FER: variants seen among roughly 807,000 people sequenced by gnomAD.
The protein encoded by FER is FER tyrosine kinase, also known as tyrosine-protein kinase Fer.
FER carries 63 observed loss-of-function variants against 111.0 expected under a neutral mutation model. The observed-to-expected ratio is 0.57, with a 90% CI of 0.46 to 0.70. FER has a LOEUF of 0.70. Ranked by LOEUF, FER falls within the 30% of genes least tolerant of loss-of-function variation. The pLI, the probability that FER is intolerant of heterozygous loss-of-function variation, is 0.00. For synonymous variants in FER, 327 were observed against 313.9 expected (o/e 1.04, Z -0.44); for missense variants, 914 against 954.0 (o/e 0.96, Z 0.55).
At chr5:108,751,761 C>G (rs550245146) in intron 1 of FER, among the ~76,000 whole-genome samples, 2 of 152,074 alleles carry the variant, frequency 1.3e-5, no homozygotes, top group Non-Finnish European at 2.9e-5. Flanking sequence ...TAGGACTCAA[C>G]GATCTTGGGT....
chr5:108,774,307 G>T (rs1753247351), intron 2 of FER, among the ~76,000 whole-genome samples: 1 of 152,140 alleles, frequency 6.6e-6, no homozygotes, highest in African/African-American at 2.4e-5. Flanking sequence ...TATCATTGAT[G>T]GGCATTTGGG....
intron 3 of FER, among the ~76,000 whole-genome samples, chr5:108,816,092 A>G (rs1009106571): frequency 6.6e-6 from 1 of 151,842 alleles, no homozygotes; most frequent in Non-Finnish European, 1.5e-5. Context: ...CACACACACC[A>G]CACATATATA....
intron 17 of FER, among the ~76,000 whole-genome samples, chr5:109,180,417 C>T (rs979516110): frequency 1.3e-5 from 2 of 152,210 alleles, no homozygotes; most frequent in Non-Finnish European, 2.9e-5. Flanking sequence ...GACAATGCTG[C>T]TCTAGGAAAG....
At chr5:108,926,982 A>G (rs1297167164) in intron 10 of FER, among the ~76,000 whole-genome samples, 1 of 152,078 alleles carries the variant, frequency 6.6e-6, no homozygotes. Flanking sequence ...TAGTCTAGAC[A>G]TAGTTTTCTG....
chr5:108,903,370 C>G (rs1307520941), intron 10 of FER, among the ~76,000 whole-genome samples: 2 of 152,140 alleles, frequency 1.3e-5, no homozygotes, highest in Non-Finnish European at 2.9e-5. Context: ...AATTTGTTGG[C>G]TAAAAATTGT....
At chr5:109,068,072 T>C (rs559130761) in intron 16 of FER, among the ~76,000 whole-genome samples, 1 of 152,262 alleles carries the variant, frequency 6.6e-6, no homozygotes, top group East Asian at 1.9e-4. Context: ...ACCAAATTTA[T>C]TGTATTCCAG....
At chr5:108,751,085 G>A (rs534573035) in intron 1 of FER, among the ~76,000 whole-genome samples, 198 of 152,200 alleles carry the variant, frequency 1.3e-3, no homozygotes, top group African/African-American at 4.2e-3. Flanking sequence ...CCAGCTACTC[G>A]GGAGGCTGAG....
chr5:108,909,378 T>A (rs1442360833), intron 10 of FER, among the ~76,000 whole-genome samples: 1 of 152,202 alleles, frequency 6.6e-6, no homozygotes, highest in Non-Finnish European at 1.5e-5. Flanking sequence ...AAATCACAGA[T>A]GAAGGATGTG....
intron 17 of FER, among the ~76,000 whole-genome samples, chr5:109,122,203 T>G (rs966331903): frequency 6.6e-6 from 1 of 152,150 alleles, no homozygotes; most frequent in African/African-American, 2.4e-5. Context: ...ATATAGGCCC[T>G]TACAGCTCTA....
In FER at chr5:108,993,432, G is replaced by C. The variant is rs550144045; in HGVS notation, c.1656+34085G>C. On this transcript the variant is annotated intron_variant, in intron 13 of 19. Transcript: ENST00000281092. ...CGCGCGCCTGCAATCGCAGGCACTC[G>C]CCAGGCTGAGGCAGGAGAATCAGGC... 3.4e-3 allele frequency among the ~76,000 whole-genome samples: 514 copies of C among 152,208 alleles called. 5 individuals carry two copies. Among genetic ancestry groups the C allele is most frequent in the African/African-American group, 0.012 (482 of 41,500 alleles).
Position 108,835,807 on chromosome 5 carries a change from G to A in FER, c.481G>A (p.Gly161Arg). The stretch of plus-strand genomic sequence containing the variant: ...GAAATATAAAGAAGCTTTAGCTAAA[G>A]GTAAGGCAAAATTTTAAAAATTGTT... ...KEKYKEALAK[G>R]KETEKAKERY... The change falls in exon 5 of 20, where the codon GGG (glycine) becomes AGG (arginine). Residue 161 changes from glycine to arginine, a missense_variant and splice_region_variant. Around this residue, in one of 3 missense-constraint regions of FER, gnomAD observed 774 missense variants for 782.6 expected, o/e 0.99. Coordinates refer to ENST00000281092, the MANE Select transcript of FER (RefSeq NM_005246.4). The A allele has an allele frequency of 6.6e-7, 1 of 1,520,554 alleles. No individual in the cohort carries two copies. The highest frequency in any genetic ancestry group is 8.8e-7 in the Non-Finnish European group (1 of 1,133,874). 94.2% of individuals were successfully genotyped at this position (1,520,554 alleles called of 1,614,324 possible). A position where few individuals can be genotyped will look rare whatever the true frequency, so the allele number is the denominator to read the frequency against.
At chr5:108,890,049 C>T (rs1224574417) in intron 9 of FER, among the ~76,000 whole-genome samples, 2 of 151,930 alleles carry the variant, frequency 1.3e-5, no homozygotes, top group Non-Finnish European at 2.9e-5. Flanking sequence ...AGATACAGAA[C>T]ATTTCCATCA....
intron 16 of FER, among the ~76,000 whole-genome samples, chr5:109,099,975 CT>C (rs1394853909): frequency 6.6e-6 from 1 of 151,620 alleles, no homozygotes; most frequent in African/African-American, 2.4e-5. Context: ...ATATAATTTA[CT>C]TTTTTGTAAT....
intron 2 of FER, chr5:108,785,009 T>G (rs1754525420): frequency 6.9e-6 from 2 of 288,464 alleles, no homozygotes; most frequent in Admixed American, 7.6e-5. Flanking sequence ...TCCCAACACC[T>G]GGGTGTATGC....
intron 13 of FER, among the ~76,000 whole-genome samples, chr5:108,981,075 G>C (rs1027550977): frequency 6.6e-6 from 1 of 151,978 alleles, no homozygotes; most frequent in Non-Finnish European, 1.5e-5. Flanking sequence ...TCACAGTAAA[G>C]TGAAGCACAA....
At chr5:109,031,050 G>A (rs947547876) in intron 13 of FER, among the ~76,000 whole-genome samples, 6 of 152,038 alleles carry the variant, frequency 3.9e-5, no homozygotes, top group African/African-American at 1.2e-4. Context: ...GCTGGGAAAG[G>A]GAGTCTTCCC....
intron 13 of FER, among the ~76,000 whole-genome samples, chr5:109,025,050 G>T (rs111453898): frequency 0.11 from 16,731 of 151,852 alleles, 1,018 homozygotes; most frequent in Non-Finnish European, 0.14. Context: ...AAGTCAGGTA[G>T]CGTGATGCCT....
intron 3 of FER, among the ~76,000 whole-genome samples, chr5:108,812,440 A>G (rs780845728): frequency 5.4e-4 from 82 of 152,132 alleles, no homozygotes; most frequent in Admixed American, 4.9e-3. Context: ...GTTTTTCATC[A>G]TATATTTGGT....
At chr5:108,966,495 C>G (rs1759857305) in intron 13 of FER, among the ~76,000 whole-genome samples, 1 of 149,134 alleles carries the variant, frequency 6.7e-6, no homozygotes, top group Non-Finnish European at 1.5e-5. Flanking sequence ...TCAAGCAATT[C>G]TCCTGCCTCA....
Sources: gnomAD v4.1 joint callset for allele counts (sites outside exome capture counted in the v4.1 genomes callset) on GRCh38, gnomAD v4.1.1 for gene constraint, gnomAD v4.1.1 regional missense constraint, MANE v1.5 for transcripts, NCBI Gene and HGNC (gene_info 2026-07-23, HGNC 2026-07-21) for gene names.